The following CALD1 variants were observed in gnomAD, a reference collection of about 807,000 sequenced individuals.
CALD1 encodes caldesmon 1.
CALD1 carries 33 observed loss-of-function variants against 99.9 expected under a neutral mutation model. The observed-to-expected ratio is 0.33, with a 90% CI of 0.25 to 0.44. The LOEUF (loss-of-function observed/expected upper bound fraction) is 0.44. Ranked by LOEUF, CALD1 falls within the 20% of genes least tolerant of loss-of-function variation. The pLI, the probability that CALD1 is intolerant of heterozygous loss-of-function variation, is 1.00. For synonymous variants in CALD1, 310 were observed against 325.0 expected (o/e 0.95, Z 0.50); for missense variants, 861 against 962.1 (o/e 0.89, Z 1.39).
At chr7:134,938,539 A>G (rs990316919) in intron 6 of CALD1, among the ~76,000 whole-genome samples, 1 of 152,188 alleles carries the variant, frequency 6.6e-6, no homozygotes, top group African/African-American at 2.4e-5. Flanking sequence ...TTAATCCTTC[A>G]GCACGGACGT....
intron 3 of CALD1, among the ~76,000 whole-genome samples, chr7:134,924,915 C>T (rs540555541): frequency 1.3e-5 from 2 of 152,248 alleles, no homozygotes; most frequent in South Asian, 2.1e-4. Context: ...CTTCACTTGG[C>T]GCTTCTTCCT....
At chr7:134,922,734 CAT>C (rs1194967614) in intron 3 of CALD1, among the ~76,000 whole-genome samples, 1 of 152,200 alleles carries the variant, frequency 6.6e-6, no homozygotes, top group Non-Finnish European at 1.5e-5. Context: ...AATAACATCT[CAT>C]TGGTCTCCTC....
intron 3 of CALD1, among the ~76,000 whole-genome samples, chr7:134,891,240 A>G (rs1473610961): frequency 6.6e-6 from 1 of 152,244 alleles, no homozygotes; most frequent in Non-Finnish European, 1.5e-5. Flanking sequence ...AGTCTTCATC[A>G]GGAAAACTAC....
intron 1 of CALD1, among the ~76,000 whole-genome samples, chr7:134,806,527 T>C (rs1164947060): frequency 6.6e-6 from 1 of 152,242 alleles, no homozygotes; most frequent in African/African-American, 2.4e-5. Context: ...GAGATGTTCT[T>C]CTCTTGCTTA....
At chr7:134,891,889 C>T (rs1018175740) in intron 3 of CALD1, among the ~76,000 whole-genome samples, 4 of 151,966 alleles carry the variant, frequency 2.6e-5, no homozygotes, top group African/African-American at 9.7e-5. Flanking sequence ...GATTCGCTGG[C>T]TTTTCTCGTT....
chr7:134,899,149 G>C (rs1017083960), intron 3 of CALD1, among the ~76,000 whole-genome samples: 1 of 151,082 alleles, frequency 6.6e-6, no homozygotes, highest in African/African-American at 2.4e-5. Context: ...AACTATCCTA[G>C]ACCTCATTTC....
the CALD1 span, among the ~76,000 whole-genome samples, chr7:134,716,539 A>C: frequency 7.9e-5 from 12 of 152,224 alleles, no homozygotes; most frequent in African/African-American, 2.7e-4. Context: ...TGTTTGAATC[A>C]GTTTTTAACA....
chr7:134,967,755 TAAGC>T (rs1216735698), intron 14 of CALD1, among the ~76,000 whole-genome samples: 13 of 151,982 alleles, frequency 8.6e-5, no homozygotes, highest in African/African-American at 2.9e-4. Flanking sequence ...CTAAATGCTA[TAAGC>T]AAGGCCAAAA....
chr7:134,957,891 C>T (rs2133223535), intron 9 of CALD1, among the ~76,000 whole-genome samples, 178 bp from the exon 10 acceptor site: 2 of 152,002 alleles, frequency 1.3e-5, no homozygotes, highest in Middle Eastern at 3.4e-3. Flanking sequence ...CCAAATCTCA[C>T]TATCAAATAC....
chr7:134,955,085 G>A (rs1807661391), intron 9 of CALD1, among the ~76,000 whole-genome samples: 1 of 152,030 alleles, frequency 6.6e-6, no homozygotes. Flanking sequence ...TAAATTCTGT[G>A]TTCCTTAAAG....
At chr7:134,814,930 C>T (rs967726338) in intron 1 of CALD1, among the ~76,000 whole-genome samples, 2 of 152,180 alleles carry the variant, frequency 1.3e-5, no homozygotes, top group African/African-American at 2.4e-5. Context: ...AGCTGGATCA[C>T]GTGACATCTA....
upstream of CALD1, among the ~76,000 whole-genome samples, chr7:134,778,184 A>C (rs1796959664): frequency 1.3e-5 from 2 of 152,212 alleles, no homozygotes; most frequent in Non-Finnish European, 2.9e-5. Context: ...CTTCCCAAAA[A>C]AGAGATGAGT....
chr7:134,727,506 A>T, the CALD1 span, among the ~76,000 whole-genome samples: 3 of 152,352 alleles, frequency 2.0e-5, no homozygotes, highest in African/African-American at 7.2e-5. Context: ...GCATGGCGGG[A>T]ACAGTCCATT....
At chr7:134,809,295 C>T (rs1254776750) in intron 1 of CALD1, among the ~76,000 whole-genome samples, 1 of 152,144 alleles carries the variant, frequency 6.6e-6, no homozygotes, top group Non-Finnish European at 1.5e-5. Context: ...TTTTGGGCAG[C>T]TGAAGCTGAC....
At chr7:134,947,792 G>A in intron 8 of CALD1, 23 bp downstream of exon 8, 2 of 1,601,222 alleles carry the variant, frequency 1.2e-6, no homozygotes, top group South Asian at 1.1e-5. Context: ...CTAGCCCACT[G>A]AGAACGTTGC....
intron 1 of CALD1, among the ~76,000 whole-genome samples, chr7:134,840,088 T>C (rs1490330741): frequency 6.6e-6 from 1 of 152,226 alleles, no homozygotes; most frequent in Non-Finnish European, 1.5e-5. Context: ...CAAGTTTTTT[T>C]ATTTTTATGT....
At chr7:134,820,298 A>T (rs115176981) in intron 1 of CALD1, among the ~76,000 whole-genome samples, 11 of 152,318 alleles carry the variant, frequency 7.2e-5, no homozygotes, top group African/African-American at 2.4e-4. Flanking sequence ...GCCCCTGGAG[A>T]CATTTTACTC....
chr7:134,780,517 G>T (rs1430264156), intron 1 of CALD1, among the ~76,000 whole-genome samples: 2 of 152,122 alleles, frequency 1.3e-5, no homozygotes. Context: ...GCCTGAGTGT[G>T]TCTAGAGAAT....
At chr7:134,815,899 C>G (rs17800164) in intron 1 of CALD1, among the ~76,000 whole-genome samples, 1 of 152,132 alleles carries the variant, frequency 6.6e-6, no homozygotes, top group African/African-American at 2.4e-5. Context: ...AAACTATCCT[C>G]GAACTGGCAT....
Sources: gnomAD v4.1 joint callset for allele counts (sites outside exome capture counted in the v4.1 genomes callset) on GRCh38, gnomAD v4.1.1 for gene constraint, MANE v1.5 for transcripts, NCBI Gene and HGNC (gene_info 2026-07-23, HGNC 2026-07-21) for gene names.